The following RDH12 variants were observed in gnomAD, a reference collection of about 807,000 sequenced individuals.
The protein encoded by RDH12 is all-trans and 9-cis retinol dehydrogenase.
A neutral mutation model predicts 34.0 loss-of-function variants in RDH12; 21 were observed. The ratio of observed to expected loss-of-function variants is 0.62; its 90% confidence interval spans 0.44 to 0.89. The LOEUF (loss-of-function observed/expected upper bound fraction) is 0.89. Ranked by LOEUF, RDH12 falls within the 40% of genes least tolerant of loss-of-function variation. The pLI is 0.00. For synonymous variants in RDH12, 198 were observed against 169.9 expected (o/e 1.17, Z -1.29); for missense variants, 394 against 398.6 (o/e 0.99, Z 0.10).
chr14:67,729,355 G>A lies in RDH12; in HGVS notation c.823G>A (p.Glu275Lys). 1 of 1,598,112 alleles carries A rather than the reference G, an allele frequency of 6.3e-7. No individual in the cohort carries two copies. The change falls in exon 8 of 9, where the codon GAG (glutamate) becomes AAG (lysine). Residue 275 changes from glutamate to lysine, a missense_variant. By Grantham distance (56) the Glu-to-Lys change is moderately conservative. Coordinates refer to ENST00000551171, the MANE Select transcript of RDH12 (RefSeq NM_152443.3). Reference protein sequence around the residue: ...SLHCALAEGLEPLSGKYFSDC... With the variant: ...SLHCALAEGLKPLSGKYFSDC... The stretch of plus-strand genomic sequence containing the variant: ...GCACTGCGCCCTGGCTGAGGGCCTG[G>A]AGCCCCTGAGTGGCAAGTACTTCAG...
chr14:67,708,869 G>A (rs1023817709), intron 1 of RDH12, among the ~76,000 whole-genome samples: 13 of 149,040 alleles, frequency 8.7e-5, no homozygotes, highest in African/African-American at 3.0e-4. Flanking sequence ...CTTGGCTCAC[G>A]GCAACCTCTG....
At chr14:67,723,666 A>C (rs1208437057) in intron 3 of RDH12, among the ~76,000 whole-genome samples, 1 of 152,236 alleles carries the variant, frequency 6.6e-6, no homozygotes, top group Non-Finnish European at 1.5e-5. Flanking sequence ...CCTGAGCCTC[A>C]GTTTTCTCTA....
intron 4 of RDH12, 125 bp downstream of exon 4, chr14:67,724,716 C>A (rs1226658973): frequency 1.0e-5 from 8 of 787,116 alleles, no homozygotes; most frequent in Admixed American, 2.0e-5. Context: ...ATTCAAGGAA[C>A]CTGGGATTCA....
intron 7 of RDH12, chr14:67,728,208 C>T (rs2038214785): frequency 6.6e-6 from 1 of 152,218 alleles, no homozygotes; most frequent in Non-Finnish European, 1.5e-5. Flanking sequence ...ATGATCTTCA[C>T]TTCCAGAATG....
chr14:67,707,156 C>A lies in RDH12; in HGVS notation c.-275+5221C>A, dbSNP rs181224161. On this transcript the variant is annotated intron_variant, in intron 1 of 8. Coordinates refer to ENST00000551171, the MANE Select transcript of RDH12 (RefSeq NM_152443.3). ...GCACAACTTAGTTTTTTAGTGACTC[C>A]AAATTAGGAAAAATGGGGAAAAAAG... is the stretch of plus-strand genomic sequence containing the variant. Among the ~76,000 whole-genome samples the A allele has an allele frequency of 2.0e-4, 30 of 152,090 alleles. No individual in the cohort carries two copies. The East Asian group carries it at 5.6e-3, about 28-fold the overall frequency.
At chr14:67,722,097 G>C (rs2038130448) in intron 2 of RDH12, among the ~76,000 whole-genome samples, 1 of 152,126 alleles carries the variant, frequency 6.6e-6, no homozygotes, top group Non-Finnish European at 1.5e-5. Context: ...AGGAGTTCCA[G>C]TCATCTCCCT....
intron 4 of RDH12, 120 bp from the exon 5 acceptor site, chr14:67,724,979 C>G: frequency 8.6e-7 from 1 of 1,166,908 alleles, no homozygotes; most frequent in Non-Finnish European, 1.3e-6. Flanking sequence ...TATGTTCACT[C>G]TACCGTTGAA....
chr14:67,705,340 G>A (rs1197123076), intron 1 of RDH12, among the ~76,000 whole-genome samples: 1 of 152,216 alleles, frequency 6.6e-6, no homozygotes, highest in African/African-American at 2.4e-5. Context: ...AAACAAATCA[G>A]TGTCCTTTTC....
rs2037973451 is a variant in RDH12, at chr14:67,708,412, T to C, written c.-275+6477T>C. 2.0e-5 allele frequency among the ~76,000 whole-genome samples: 3 copies of C among 152,170 alleles called. 1 individual carries two copies. The highest frequency in any genetic ancestry group is 4.1e-4 in the South Asian group (2 of 4,832). On this transcript the variant is annotated intron_variant, in intron 1 of 8. Transcript: ENST00000551171. ...TCTCCAAAGTTATCAGAAACCTGCATTTAAGAACACCTGTTAGAGTTCTAT... is the reference window on the plus strand; with the variant it reads ...TCTCCAAAGTTATCAGAAACCTGCACTTAAGAACACCTGTTAGAGTTCTAT...
chr14:67,728,413 A>G (rs1467338860), intron 7 of RDH12, among the ~76,000 whole-genome samples: 1 of 152,176 alleles, frequency 6.6e-6, no homozygotes, highest in African/African-American at 2.4e-5. Context: ...AAATTTGCCC[A>G]AGGAAGGTTC....
At position 67,727,388 on chromosome 14, in the gene RDH12, CAA is replaced by C. The variant is rs2038200967; in HGVS notation, c.658+202_658+203del. 1.1e-5 allele frequency: 6 copies of C among 561,778 alleles called. No homozygotes were observed. In the Admixed American group the frequency reaches 1.7e-4, roughly 16 times the overall value. 34.8% of individuals were successfully genotyped at this position (561,778 alleles called of 1,614,324 possible). ...AAAATCAAATAGGGGTTAAGAACCT[CAA>C]AAAGTTACCTTGTATTTGTGTCACA... On this transcript the variant is annotated intron_variant, in intron 7 of 8. Transcript: ENST00000551171.
At chr14:67,717,137 G>GT (rs979585939) in intron 1 of RDH12, among the ~76,000 whole-genome samples, 4 of 151,970 alleles carry the variant, frequency 2.6e-5, no homozygotes, top group South Asian at 2.1e-4. Flanking sequence ...TATTTATTTA[G>GT]TTTTTTTTCC....
Position 67,726,148 on chromosome 14 carries a change from C to T in RDH12, c.441C>T (p.Asn147=), listed in dbSNP as rs2140143816. The change falls in exon 6 of 9, where the codon AAC becomes AAT. Residue 147 remains asparagine, a synonymous_variant. Coordinates refer to ENST00000551171, the MANE Select transcript of RDH12 (RefSeq NM_152443.3). ...GCTTTGAAACCCACCTGGGAGTCAA[C>T]CACCTGGGTAAGTATCTTTGGGTGA... ...ADGFETHLGV[N]HLGHFLLTYL... 2 of 1,599,416 alleles carry T rather than the reference C, an allele frequency of 1.3e-6. No individual in the cohort carries two copies. The highest frequency in any genetic ancestry group is 2.2e-5 in the East Asian group (1 of 44,818).
chr14:67,731,413 C>T (rs1405172587), intron 8 of RDH12, among the ~76,000 whole-genome samples: 1 of 151,596 alleles, frequency 6.6e-6, no homozygotes, highest in East Asian at 1.9e-4. Flanking sequence ...TGGAGTTTTG[C>T]CATGTTGACC....
At chr14:67,710,138 A>C (rs888855991) in intron 1 of RDH12, among the ~76,000 whole-genome samples, 2 of 152,154 alleles carry the variant, frequency 1.3e-5, no homozygotes, top group African/African-American at 4.8e-5. Context: ...TTGATGTCTC[A>C]TGTCTCCCTA....
chr14:67,705,344 C>T (rs1490050899), intron 1 of RDH12, among the ~76,000 whole-genome samples: 3 of 152,304 alleles, frequency 2.0e-5, no homozygotes, highest in East Asian at 3.9e-4. Context: ...AAATCAGTGT[C>T]CTTTTCAGTG....
chr14:67,704,795 C>T (rs1041357619), intron 1 of RDH12, among the ~76,000 whole-genome samples: 1 of 152,208 alleles, frequency 6.6e-6, no homozygotes, highest in African/African-American at 2.4e-5. Flanking sequence ...CAGCAGCTCT[C>T]GTTCTGAGAC....
At chr14:67,715,878 C>T (rs4509944) in intron 1 of RDH12, among the ~76,000 whole-genome samples, 1 of 152,192 alleles carries the variant, frequency 6.6e-6, no homozygotes, top group Non-Finnish European at 1.5e-5. Flanking sequence ...GAGCTTATTT[C>T]TGTCCCTGAG....
chr14:67,726,929 G>A, intron 6 of RDH12, 52 bp from the exon 7 acceptor site: 1 of 1,549,882 alleles, frequency 6.5e-7, no homozygotes, highest in Non-Finnish European at 8.9e-7. Flanking sequence ...CCCACATGCT[G>A]AGCCTGGGCT....
Sources: gnomAD v4.1 joint callset for allele counts (sites outside exome capture counted in the v4.1 genomes callset) on GRCh38, gnomAD v4.1.1 for gene constraint, MANE v1.5 for transcripts, NCBI Gene and HGNC (gene_info 2026-07-23, HGNC 2026-07-21) for gene names.